Variants in CTNNA3 observed in about 807,000 individuals in gnomAD.
The protein encoded by CTNNA3 is catenin alpha 3.
Under a neutral mutation model 95.7 loss-of-function variants are expected in CTNNA3, and 76 were observed. That is an observed-to-expected ratio of 0.79 (90% CI 0.66 to 0.96). CTNNA3 has a LOEUF of 0.96. CTNNA3 is among the 40% of genes least tolerant of loss of function. The pLI, the probability that CTNNA3 is intolerant of heterozygous loss-of-function variation, is 0.00. For missense variants in CTNNA3, 1,191 were observed against 1,089.8 expected (o/e 1.09, Z -1.31); for synonymous variants, 431 against 374.4 (o/e 1.15, Z -1.74).
At chr10:66,109,036 C>T (rs2082017061) in intron 13 of CTNNA3, among the ~76,000 whole-genome samples, 1 of 152,094 alleles carries the variant, frequency 6.6e-6, no homozygotes, top group African/African-American at 2.4e-5. Flanking sequence ...TTTATGATTC[C>T]ATAATCAGTA....
At chr10:66,662,304 C>A (rs965979975) in intron 9 of CTNNA3, among the ~76,000 whole-genome samples, 5 of 152,130 alleles carry the variant, frequency 3.3e-5, no homozygotes, top group Non-Finnish European at 7.4e-5. Flanking sequence ...AAAACATATA[C>A]AATTTGCTTA....
intron 12 of CTNNA3, among the ~76,000 whole-genome samples, chr10:66,327,241 G>T (rs2092265120): frequency 6.6e-6 from 1 of 152,048 alleles, no homozygotes; most frequent in South Asian, 2.1e-4. Context: ...AACTGTGAAT[G>T]TTCAAATAGG....
At chr10:67,120,147 A>C (rs2131990669) in intron 7 of CTNNA3, among the ~76,000 whole-genome samples, 1 of 152,018 alleles carries the variant, frequency 6.6e-6, no homozygotes, top group African/African-American at 2.4e-5. Flanking sequence ...ATAATAATTA[A>C]ATAAATTTAA....
At chr10:66,158,498 T>C (rs1294220361) in intron 13 of CTNNA3, among the ~76,000 whole-genome samples, 2 of 152,154 alleles carry the variant, frequency 1.3e-5, no homozygotes, top group Non-Finnish European at 2.9e-5. Context: ...TTCTGTTCCA[T>C]TGGCCTATGT....
intron 3 of CTNNA3, among the ~76,000 whole-genome samples, chr10:67,553,982 G>A (rs1841132207): frequency 6.6e-6 from 1 of 151,976 alleles, no homozygotes; most frequent in Admixed American, 6.6e-5. Context: ...ATTGTTCAAT[G>A]ACCACCTATG....
intron 5 of CTNNA3, among the ~76,000 whole-genome samples, chr10:67,434,186 G>A (rs1846219477): frequency 6.6e-6 from 1 of 151,984 alleles, no homozygotes; most frequent in Non-Finnish European, 1.5e-5. Flanking sequence ...GAATGAGTCA[G>A]ACCTTAATTT....
intron 12 of CTNNA3, among the ~76,000 whole-genome samples, chr10:66,306,435 T>G: frequency 7.1e-6 from 1 of 140,008 alleles, no homozygotes; most frequent in South Asian, 2.3e-4. Flanking sequence ...TCAACGCTGG[T>G]GTTTCTCAAT....
At chr10:66,685,971 T>A (rs1030706229) in intron 9 of CTNNA3, among the ~76,000 whole-genome samples, 1 of 152,190 alleles carries the variant, frequency 6.6e-6, no homozygotes, top group African/African-American at 2.4e-5. Context: ...TTTATAAGAC[T>A]TTGAGTTTAA....
intron 5 of CTNNA3, among the ~76,000 whole-genome samples, chr10:67,274,256 A>G (rs1226170521): frequency 1.3e-5 from 2 of 152,174 alleles, no homozygotes. Context: ...CAAAGCAGAT[A>G]TTAAATAAAA....
intron 7 of CTNNA3, among the ~76,000 whole-genome samples, chr10:67,025,379 C>T (rs993028803): frequency 9.2e-5 from 14 of 151,486 alleles, no homozygotes; most frequent in Admixed American, 7.9e-4. Context: ...TTTGTAAAGG[C>T]CACATATCCA....
chr10:66,280,264 T>C (rs950566088), intron 13 of CTNNA3, among the ~76,000 whole-genome samples: 1 of 152,108 alleles, frequency 6.6e-6, no homozygotes, highest in Non-Finnish European at 1.5e-5. Context: ...TGCACTCATT[T>C]GTGTAAGTTA....
At chr10:66,422,878 C>CCT (rs1554960381) in intron 11 of CTNNA3, among the ~76,000 whole-genome samples, 8 of 150,340 alleles carry the variant, frequency 5.3e-5, no homozygotes, top group African/African-American at 2.0e-4. Flanking sequence ...GATCCACCTC[C>CCT]CTCGGCCTAC....
intron 11 of CTNNA3, among the ~76,000 whole-genome samples, chr10:66,461,447 T>C (rs2131848458): frequency 6.6e-6 from 1 of 152,138 alleles, no homozygotes; most frequent in South Asian, 2.1e-4. Context: ...ATTGGAAGTA[T>C]GTTTCTGAGT....
chr10:66,592,663 G>T (rs921061893), intron 10 of CTNNA3, among the ~76,000 whole-genome samples: 2 of 152,132 alleles, frequency 1.3e-5, no homozygotes, highest in African/African-American at 2.4e-5. Context: ...AAAGATGAAG[G>T]GATGGATATA....
At chr10:66,924,577 A>G (rs1846959825) in intron 7 of CTNNA3, among the ~76,000 whole-genome samples, 1 of 152,228 alleles carries the variant, frequency 6.6e-6, no homozygotes, top group Admixed American at 6.5e-5. Context: ...AGAAGGCAAG[A>G]CTGAGTAAAT....
chr10:67,623,278 C>T (rs192032781), intron 2 of CTNNA3, among the ~76,000 whole-genome samples: 76 of 152,270 alleles, frequency 5.0e-4, no homozygotes, highest in Admixed American at 1.1e-3. Flanking sequence ...GGCTAAGAAG[C>T]CAAAGGGGGC....
At chr10:66,122,971 T>C (rs1443471399) in intron 13 of CTNNA3, among the ~76,000 whole-genome samples, 1 of 152,116 alleles carries the variant, frequency 6.6e-6, no homozygotes, top group Admixed American at 6.6e-5. Context: ...CGAGATTTGG[T>C]TGGGGACACA....
At position 67,119,820 on chromosome 10, in the gene CTNNA3, A is replaced by C. The variant is rs116751537; in HGVS notation, c.1047+60497T>G. Among the ~76,000 whole-genome samples, 310 of 152,006 alleles carry C rather than the reference A, an allele frequency of 2.0e-3. 1 individual carries two copies. The highest frequency in any genetic ancestry group is 6.9e-3 in the African/African-American group (287 of 41,548). On this transcript the variant is annotated intron_variant, in intron 7 of 17. Transcript: ENST00000433211. The stretch of plus-strand genomic sequence containing the variant: ...AAACTCATTCTCTAAGGTATGTGAC[A>C]CATCGTATTTATTTTTAAAGGACAT...
At chr10:66,684,878 G>T (rs1443614163) in intron 9 of CTNNA3, among the ~76,000 whole-genome samples, 1 of 150,598 alleles carries the variant, frequency 6.6e-6, no homozygotes. Flanking sequence ...CTATTTATTA[G>T]TAATTATGTA....
Sources: gnomAD v4.1 joint callset for allele counts (sites outside exome capture counted in the v4.1 genomes callset) on GRCh38, gnomAD v4.1.1 for gene constraint, MANE v1.5 for transcripts, NCBI Gene and HGNC (gene_info 2026-07-23, HGNC 2026-07-21) for gene names.